AMPH: variants seen among roughly 807,000 people sequenced by gnomAD.
The protein encoded by AMPH is amphiphysin (Stiff-Mann syndrome with breast cancer 128kD autoantigen).
In AMPH, 49 loss-of-function variants were observed where a neutral mutation model predicts 99.1. The observed-to-expected ratio is 0.49, with a 90% CI of 0.39 to 0.63. AMPH has a LOEUF of 0.63. Among genes scored for constraint, AMPH ranks in the 20% least tolerant of loss-of-function variants. AMPH has a pLI of 0.00. For missense variants in AMPH, 759 were observed against 863.4 expected, an observed-to-expected ratio of 0.88 and a Z score of 1.52; for synonymous variants, 314 against 317.3, an observed-to-expected ratio of 0.99 and a Z score of 0.11.
At chr7:38,590,863 C>A (rs1213497020) in intron 1 of AMPH, among the ~76,000 whole-genome samples, 1 of 152,154 alleles carries the variant, frequency 6.6e-6, no homozygotes, top group Non-Finnish European at 1.5e-5. Context: ...GCCATAGATG[C>A]ATGTGAAAGA....
In AMPH at chr7:38,476,965, C is replaced by T. The variant is rs1272402161; in HGVS notation, c.401G>A (p.Arg134His). ...TAGCTTCCTGCTGCGCTTGGCGATG[C>T]GATTCTGTCAACAGGAAATGCACTC... ...YLGQFPDIKN[R>H]IAKRSRKLVD... The change falls in exon 6 of 21, where the codon CGC (arginine) becomes CAC (histidine). Residue 134 changes from arginine (R) to histidine (H), a missense_variant. Arg to His is a conservative substitution (Grantham distance 29). Transcript: ENST00000356264. The T allele has an allele frequency of 6.2e-6, 10 of 1,613,136 alleles. No individual in the cohort carries two copies. The highest frequency in any genetic ancestry group is 4.4e-5 in the South Asian group (4 of 91,042).
At chr7:38,389,024 G>A (rs949229504) in intron 20 of AMPH, among the ~76,000 whole-genome samples, 7 of 152,190 alleles carry the variant, frequency 4.6e-5, no homozygotes, top group Non-Finnish European at 1.0e-4. Flanking sequence ...CTTGGTAAGT[G>A]TGTTGTCAAA....
At chr7:38,449,542 GA>G (rs1018536158) in intron 11 of AMPH, among the ~76,000 whole-genome samples, 2 of 152,200 alleles carry the variant, frequency 1.3e-5, no homozygotes, top group Admixed American at 1.3e-4. Context: ...GAAAGATAGT[GA>G]AGCCTAATGA....
At chr7:38,514,470 C>T (rs1789660492) in intron 2 of AMPH, among the ~76,000 whole-genome samples, 1 of 152,180 alleles carries the variant, frequency 6.6e-6, no homozygotes, top group South Asian at 2.1e-4. Context: ...AGAGTATATG[C>T]TATGGTTTCA....
chr7:38,412,851 T>A (rs1421664253), intron 17 of AMPH, among the ~76,000 whole-genome samples: 2 of 152,180 alleles, frequency 1.3e-5, no homozygotes, highest in African/African-American at 4.8e-5. Context: ...TCCCTATTCA[T>A]TCACTGAGTA....
chr7:38,628,599 T>C (rs1391029682), intron 1 of AMPH, among the ~76,000 whole-genome samples: 2 of 152,252 alleles, frequency 1.3e-5, no homozygotes, highest in Non-Finnish European at 2.9e-5. Flanking sequence ...AGGATGTTCA[T>C]AATTATGAAG....
chr7:38,490,771 G>A (rs1303530110), intron 5 of AMPH, among the ~76,000 whole-genome samples: 1 of 152,128 alleles, frequency 6.6e-6, no homozygotes, highest in Non-Finnish European at 1.5e-5. Context: ...GGAACTTTTG[G>A]TAGCTCTGGT....
intron 1 of AMPH, among the ~76,000 whole-genome samples, chr7:38,609,602 G>T (rs1198687658): frequency 6.6e-6 from 1 of 152,196 alleles, no homozygotes. Context: ...ACCGAACCAA[G>T]AGGTGCTAAG....
intron 1 of AMPH, among the ~76,000 whole-genome samples, chr7:38,555,666 A>G (rs949774209): frequency 3.3e-4 from 50 of 152,344 alleles, no homozygotes; most frequent in African/African-American, 1.1e-3. Flanking sequence ...GTATTTTACT[A>G]TGTGAAAAAT....
chr7:38,403,890 C>T (rs1484038452), intron 17 of AMPH, among the ~76,000 whole-genome samples: 1 of 152,184 alleles, frequency 6.6e-6, no homozygotes, highest in Non-Finnish European at 1.5e-5. Flanking sequence ...TTCCAGATGG[C>T]CGCACCCCCA....
At chr7:38,452,431 T>C (rs1389431101) in intron 11 of AMPH, among the ~76,000 whole-genome samples, 1 of 152,240 alleles carries the variant, frequency 6.6e-6, no homozygotes, top group African/African-American at 2.4e-5. Context: ...TTTTATCTAT[T>C]TATCTGTAGA....
At chr7:38,612,072 A>AT (rs1281357949) in intron 1 of AMPH, among the ~76,000 whole-genome samples, 4 of 96,902 alleles carry the variant, frequency 4.1e-5, no homozygotes, top group African/African-American at 7.4e-5. Flanking sequence ...GCTAAGACTG[A>AT]TTTTTTGTCT....
At chr7:38,478,149 A>G (rs574935301) in intron 5 of AMPH, among the ~76,000 whole-genome samples, 1 of 152,134 alleles carries the variant, frequency 6.6e-6, no homozygotes, top group Non-Finnish European at 1.5e-5. Context: ...AAAAACAAGC[A>G]ATAGTGGCCT....
intron 6 of AMPH, among the ~76,000 whole-genome samples, chr7:38,476,276 A>G (rs1397527913): frequency 1.3e-5 from 2 of 152,176 alleles, no homozygotes; most frequent in African/African-American, 4.8e-5. Context: ...AGAAACCATT[A>G]AAAGACTTAA....
At chr7:38,401,836 C>CAGCTAGGA (rs1172809362) in intron 17 of AMPH, among the ~76,000 whole-genome samples, 1 of 152,130 alleles carries the variant, frequency 6.6e-6, no homozygotes, top group Non-Finnish European at 1.5e-5. Flanking sequence ...GGAATTCCAT[C>CAGCTAGGA]AACTAGGAAA....
chr7:38,517,223 T>C (rs181828537), intron 2 of AMPH, among the ~76,000 whole-genome samples: 1 of 152,306 alleles, frequency 6.6e-6, no homozygotes, highest in East Asian at 1.9e-4. Context: ...TGGTTTGGAT[T>C]AGTGTCCCCA....
chr7:38,461,398 G>A lies in AMPH; in HGVS notation c.902C>T (p.Pro301Leu), dbSNP rs1005752506. The change falls in exon 11 of 21, where the codon CCT becomes CTT. Residue 301 changes from proline to leucine, a missense_variant. Physicochemically the swap from Pro to Leu is moderately conservative, Grantham distance 98 (BLOSUM62 -3). This residue lies in a region of AMPH where 554 missense variants were observed against 575.6 expected (regional missense o/e 0.96). Transcript: ENST00000356264. ...PRSPSQTRKG[P>L]PVPPLPKVTP... ...GACTTTAGGTAGAGGTGGGACAGGAGGCCCTTTCCTTGTCTAGGAAGCATT... is the reference window on the plus strand; with the variant it reads ...GACTTTAGGTAGAGGTGGGACAGGAAGCCCTTTCCTTGTCTAGGAAGCATT... 9.9e-6 allele frequency: 16 copies of A among 1,613,998 alleles called. No homozygotes were observed. Among genetic ancestry groups the A allele is most frequent in the African/African-American group, 1.3e-5 (1 of 74,924 alleles).
At chr7:38,458,457 CT>C (rs1467036594) in intron 11 of AMPH, among the ~76,000 whole-genome samples, 1 of 152,054 alleles carries the variant, frequency 6.6e-6, no homozygotes, top group Non-Finnish European at 1.5e-5. Flanking sequence ...TGCAAAAATC[CT>C]TAACAAAATA....
intron 1 of AMPH, among the ~76,000 whole-genome samples, chr7:38,578,501 T>C (rs1046080639): frequency 1.3e-5 from 2 of 152,186 alleles, no homozygotes; most frequent in Admixed American, 1.3e-4. Flanking sequence ...GAGCCTCACA[T>C]CTGTAATCTC....
Sources: gnomAD v4.1 joint callset for allele counts (sites outside exome capture counted in the v4.1 genomes callset) on GRCh38, gnomAD v4.1.1 for gene constraint, gnomAD v4.1.1 regional missense constraint, MANE v1.5 for transcripts, NCBI Gene and HGNC (gene_info 2026-07-23, HGNC 2026-07-21) for gene names.